The following MYL5 variants were observed in gnomAD, a reference collection of about 807,000 sequenced individuals.
MYL5 encodes the protein myosin light chain 5, also known as myosin regulatory light chain 5.
In MYL5, 28 loss-of-function variants were observed where a neutral mutation model predicts 20.8. The ratio of observed to expected loss-of-function variants is 1.35; its 90% CI spans 1.00 to 1.84. The LOEUF is 1.84. Ranked by LOEUF, MYL5 falls within the 40% of genes most tolerant of loss-of-function variation. The pLI is 0.00. For synonymous variants in MYL5, 118 were observed against 87.4 expected (o/e 1.35, Z -1.95); for missense variants, 274 against 227.3 (o/e 1.21, Z -1.32).
At chr4:676,085 A>G (rs1242962422), upstream of MYL5, 1 of 152,204 alleles carries the variant, frequency 6.6e-6, no homozygotes, top group Non-Finnish European at 1.5e-5. Flanking sequence ...GGCCAGAAGC[A>G]AACTCCAGCC....
At chr4:676,392 A>G (rs1738842995), upstream of MYL5, 1 of 152,268 alleles carries the variant, frequency 6.6e-6, no homozygotes, top group South Asian at 2.1e-4. Flanking sequence ...GCGGGCAAAC[A>G]CACACGGCCT....
intron 1 of MYL5, 36 bp downstream of exon 3, chr4:678,065 G>A (rs1424567225): frequency 1.2e-6 from 2 of 1,611,668 alleles, no homozygotes; most frequent in Admixed American, 1.7e-5. Flanking sequence ...GGGCAGGCGT[G>A]TGGGTGTGAG....
chr4:680,978 G>C, intron 5 of MYL5, 114 bp from the exon 8 acceptor site: 1 of 1,179,706 alleles, frequency 8.5e-7, no homozygotes, highest in Non-Finnish European at 1.2e-6. Context: ...CCAGCGGGAA[G>C]GGCGGGAGTG....
upstream of MYL5, chr4:675,692 C>G (rs981349245): frequency 1.3e-5 from 2 of 152,362 alleles, no homozygotes; most frequent in South Asian, 4.1e-4. Flanking sequence ...CAGGTGCAGA[C>G]CAGTACCAGC....
upstream of MYL5, chr4:674,680 T>A: frequency 4.2e-6 from 1 of 239,828 alleles, no homozygotes; most frequent in Non-Finnish European, 8.2e-6. Context: ...GTCGGAGGCC[T>A]GAGGTCAGGG....
In MYL5 at chr4:678,536, C is replaced by T. The variant is rs571469930; in HGVS notation, c.4-122C>T. The T allele has an allele frequency of 7.6e-5, 111 of 1,465,230 alleles. No homozygotes were observed. The African/African-American group carries it at 1.3e-3, about 17-fold the overall frequency. The allele number at this position is 1,465,230 out of a possible 1,614,324, so 90.8% of individuals were successfully genotyped here. On this transcript the variant is annotated intron_variant, in intron 1 of 6. Transcript: ENST00000400159. ...CTGGCATGCTCCTCAGCTGTCTGGC[C>T]CCCTCCAGCCCGAAGGGCTGAGGTC...
At chr4:674,708 G>A (rs975825235), upstream of MYL5, 1 of 196,886 alleles carries the variant, frequency 5.1e-6, no homozygotes, top group Non-Finnish European at 1.0e-5. Context: ...GGCGGGTCCA[G>A]CCCCGCGGAC....
intron 3 of MYL5, 33 bp from the exon 6 acceptor site, chr4:679,881 C>G: frequency 6.3e-7 from 1 of 1,579,154 alleles, no homozygotes; most frequent in Non-Finnish European, 8.7e-7. Context: ...AGGCAACAAG[C>G]CCTGCCCTGT....
chr4:681,570 T>G (rs1287630837), intron 6 of MYL5, among the ~76,000 whole-genome samples: 1 of 141,290 alleles, frequency 7.1e-6, no homozygotes, highest in Non-Finnish European at 1.5e-5. Flanking sequence ...GCCCGACACG[T>G]GCGCCCAGAC....
chr4:681,147 C>A lies in MYL5; in HGVS notation c.420+7C>A. 6.2e-7 allele frequency: 1 copy of A among 1,601,970 alleles called. No individual in the cohort carries two copies. Among genetic ancestry groups the A allele is most frequent in the South Asian group, 1.1e-5 (1 of 89,104 alleles). On this transcript the variant is annotated splice_region_variant and intron_variant, in intron 6 of 6. Coordinates refer to ENST00000400159, the Ensembl canonical transcript of MYL5. ...CAAGATGACGGCGGAAGAGGTCTGG[C>A]CCGCGGCTTCCCTGCCAAGCCCACG...
upstream of MYL5, chr4:675,496 G>A (rs1282814541): frequency 2.0e-5 from 3 of 152,396 alleles, no homozygotes; most frequent in Middle Eastern, 3.2e-3. Flanking sequence ...CAAGCATGGG[G>A]AGGACCCGTG....
intron 4 of MYL5, 81 bp from the exon 7 acceptor site, chr4:680,428 G>A (rs1044064095): frequency 2.8e-6 from 4 of 1,413,022 alleles, no homozygotes; most frequent in African/African-American, 1.4e-5. Flanking sequence ...TGGGGCAGGG[G>A]TCTCCCCTCC....
At chr4:675,262 G>A (rs1577323676), upstream of MYL5, 1 of 152,530 alleles carries the variant, frequency 6.6e-6, no homozygotes, top group Middle Eastern at 3.4e-3. Flanking sequence ...CAGGCTTGGA[G>A]TCTAGGCAGG....
At chr4:680,195 C>T (rs916899859) in intron 4 of MYL5, among the ~76,000 whole-genome samples, 177 bp downstream of exon 6, 1 of 151,696 alleles carries the variant, frequency 6.6e-6, no homozygotes, top group Non-Finnish European at 1.5e-5. Flanking sequence ...TGCTCAGGCC[C>T]GCCCTCCTGC....
At chr4:679,883 C>T in intron 3 of MYL5, 31 bp from the exon 6 acceptor site, 3 of 1,603,600 alleles carry the variant, frequency 1.9e-6, no homozygotes, top group Non-Finnish European at 2.6e-6. Context: ...GCAACAAGCC[C>T]TGCCCTGTGA....
At chr4:678,069 G>T (rs759531676) in intron 1 of MYL5, 40 bp downstream of exon 3, 7 of 1,610,760 alleles carry the variant, frequency 4.3e-6, no homozygotes, top group Non-Finnish European at 5.9e-6. Flanking sequence ...AGGCGTGTGG[G>T]TGTGAGCTGT....
rs1162010666 is a variant in MYL5, at chr4:681,025, T to G, written c.372-67T>G. The G allele has an allele frequency of 1.3e-4, 201 of 1,530,450 alleles. 3 individuals carry two copies. The Admixed American group carries it at 3.7e-3, about 28-fold the overall frequency. The allele number at this position is 1,530,450 out of a possible 1,614,324, so 94.8% of individuals were successfully genotyped here. ...TACAACCTGGGGCCCCTGGAGCACC[T>G]GAGCCCCACCGAGAAGGCTCCTGCA... On this transcript the variant is annotated intron_variant, in intron 5 of 6. Coordinates refer to ENST00000400159, the Ensembl canonical transcript of MYL5.
At chr4:674,558 G>C (rs1034944386), upstream of MYL5, 10 of 465,606 alleles carry the variant, frequency 2.1e-5, no homozygotes, top group South Asian at 1.8e-4. Flanking sequence ...CCGCAGGGCT[G>C]GGGGTCCGCT....
At chr4:679,834 G>A (rs1739264093) in intron 3 of MYL5, 80 bp from the exon 6 acceptor site, 2 of 1,206,680 alleles carry the variant, frequency 1.7e-6, no homozygotes, top group African/African-American at 1.5e-5. Context: ...CTGCCTGCCT[G>A]GCCCTGTGCT....
Sources: allele counts gnomAD v4.1 joint callset (sites outside exome capture counted in the v4.1 genomes callset), GRCh38; gene constraint gnomAD v4.1.1; transcripts MANE v1.5; gene names NCBI Gene and HGNC (gene_info 2026-07-23, HGNC 2026-07-21).